Variants in TMEM87A observed in about 807,000 individuals in gnomAD.
TMEM87A encodes the protein transmembrane protein 87A, also known as Golgi-pH regulating cation channel.
Under a neutral mutation model 90.0 loss-of-function variants are expected in TMEM87A, and 50 were observed. That is an observed-to-expected ratio of 0.56 (90% CI 0.44 to 0.70). The LOEUF (loss-of-function observed/expected upper bound fraction) is 0.70, where lower values mean the gene tolerates loss of function less well. Among genes scored for constraint, TMEM87A ranks in the 30% least tolerant of loss-of-function variants. TMEM87A has a pLI of 0.00. For synonymous variants in TMEM87A, 226 were observed against 226.7 expected (o/e 1.00, Z 0.03); for missense variants, 577 against 660.5 (o/e 0.87, Z 1.39).
intron 6 of TMEM87A, chr15:42,258,576 G>T: frequency 2.4e-6 from 1 of 416,372 alleles, no homozygotes; most frequent in Non-Finnish European, 3.3e-6. Flanking sequence ...ACAGGTGCCT[G>T]CCACCATGAG....
chr15:42,261,093 C>A, intron 5 of TMEM87A, 91 bp from the exon 6 acceptor site: 1 of 1,538,484 alleles, frequency 6.5e-7, no homozygotes. Context: ...AGCCTGCTCC[C>A]CAGGTGCAGC....
chr15:42,239,504 C>T (rs1427540613), intron 8 of TMEM87A, among the ~76,000 whole-genome samples, 166 bp downstream of exon 8: 1 of 152,134 alleles, frequency 6.6e-6, no homozygotes, highest in Non-Finnish European at 1.5e-5. Flanking sequence ...GGTATACTGA[C>T]TCTCTCAAAG....
chr15:42,247,713 G>A (rs2051004200), intron 6 of TMEM87A, among the ~76,000 whole-genome samples: 1 of 152,138 alleles, frequency 6.6e-6, no homozygotes, highest in African/African-American at 2.4e-5. Flanking sequence ...TTTGAAGTCA[G>A]GTAGCGTGAT....
intron 6 of TMEM87A, among the ~76,000 whole-genome samples, chr15:42,260,149 T>A (rs11070368): frequency 6.6e-6 from 1 of 152,132 alleles, no homozygotes; most frequent in African/African-American, 2.4e-5. Flanking sequence ...GAAGTGAGAC[T>A]ATTACTTGAG....
chr15:42,244,123 A>T lies in TMEM87A; in HGVS notation c.549T>A (p.Ile183=). ...ATGAAATGCCAATATGTACAATAAAAATGTATGGTGCATCTTGCCAAGTTT... is the reference window on the plus strand; with the variant it reads ...ATGAAATGCCAATATGTACAATAAATATGTATGGTGCATCTTGCCAAGTTT... ...PLQTWQDAPY[I]FIVHIGISSS... is the part of the protein sequence containing the mutation. The change falls in exon 7 of 20, where the codon ATT becomes ATA. Residue 183 remains isoleucine (I), a synonymous_variant. Coordinates refer to ENST00000389834, the MANE Select transcript of TMEM87A (RefSeq NM_015497.5). 1 of 1,579,260 alleles carries T rather than the reference A, an allele frequency of 6.3e-7. No individual in the cohort carries two copies. Among genetic ancestry groups the T allele is most frequent in the South Asian group, 1.2e-5 (1 of 83,124 alleles).
At chr15:42,271,346 C>T (rs774985019) in intron 2 of TMEM87A, among the ~76,000 whole-genome samples, 8 of 152,166 alleles carry the variant, frequency 5.3e-5, no homozygotes, top group Non-Finnish European at 7.4e-5. Context: ...TTGCAGTAAA[C>T]ATTTAACAAG....
intron 10 of TMEM87A, 28 bp downstream of exon 10, chr15:42,236,292 C>T (rs1249474139): frequency 3.2e-6 from 5 of 1,572,970 alleles, no homozygotes; most frequent in Non-Finnish European, 4.4e-6. Flanking sequence ...TTTTAATTTG[C>T]TCTTCCATAC....
At chr15:42,254,235 C>A (rs1225101366) in intron 6 of TMEM87A, among the ~76,000 whole-genome samples, 1 of 152,086 alleles carries the variant, frequency 6.6e-6, no homozygotes, top group African/African-American at 2.4e-5. Context: ...AGACAGACAG[C>A]CTACAAGAGT....
intron 4 of TMEM87A, among the ~76,000 whole-genome samples, chr15:42,263,487 G>A (rs917358811): frequency 1.3e-5 from 2 of 152,198 alleles, no homozygotes; most frequent in Non-Finnish European, 2.9e-5. Flanking sequence ...GCTCACACCT[G>A]TAATCCCAGC....
At chr15:42,249,096 T>C (rs1171705093) in intron 6 of TMEM87A, among the ~76,000 whole-genome samples, 1 of 152,238 alleles carries the variant, frequency 6.6e-6, no homozygotes, top group African/African-American at 2.4e-5. Flanking sequence ...TATTCTCTGA[T>C]GGTAGTTTGT....
chr15:42,211,783 G>A (rs1488483971), intron 19 of TMEM87A, 34 bp from the exon 20 acceptor site: 2 of 1,591,576 alleles, frequency 1.3e-6, no homozygotes, highest in African/African-American at 1.3e-5. Flanking sequence ...AGTATATTAG[G>A]TTAAAATGAT....
intron 6 of TMEM87A, among the ~76,000 whole-genome samples, chr15:42,253,731 T>C (rs895429140): frequency 2.0e-5 from 3 of 152,218 alleles, no homozygotes; most frequent in Non-Finnish European, 4.4e-5. Context: ...CTTCTTTCTT[T>C]GTTGAACTTT....
intron 6 of TMEM87A, among the ~76,000 whole-genome samples, chr15:42,248,016 G>C (rs1481667928): frequency 3.3e-5 from 5 of 152,084 alleles, no homozygotes; most frequent in Non-Finnish European, 4.4e-5. Context: ...CTTTTAAATT[G>C]GATTCCTAGG....
chr15:42,266,010 T>C (rs2051395880), intron 3 of TMEM87A, among the ~76,000 whole-genome samples: 1 of 152,186 alleles, frequency 6.6e-6, no homozygotes, highest in Non-Finnish European at 1.5e-5. Context: ...TTGTTAAATA[T>C]CAGATGGTTG....
chr15:42,224,519 T>C (rs1038944356), intron 15 of TMEM87A: 6 of 152,224 alleles, frequency 3.9e-5, no homozygotes, highest in Admixed American at 3.3e-4. Flanking sequence ...TTCCCCAGAC[T>C]CTACCTGCTA....
chr15:42,264,279 AG>A, intron 3 of TMEM87A, 76 bp from the exon 4 acceptor site: 1 of 947,538 alleles, frequency 1.1e-6, no homozygotes, highest in Non-Finnish European at 1.7e-6. Flanking sequence ...CACAACAAAC[AG>A]TTCACCTGCA....
At chr15:42,258,733 G>T in intron 6 of TMEM87A, 1 of 1,391,368 alleles carries the variant, frequency 7.2e-7, no homozygotes. Context: ...AGTCCTAATG[G>T]CTATCTTTTG....
chr15:42,271,113 T>C (rs974721468), intron 2 of TMEM87A, among the ~76,000 whole-genome samples: 32 of 152,186 alleles, frequency 2.1e-4, no homozygotes, highest in Admixed American at 1.3e-4. Flanking sequence ...TTAAAGCCGG[T>C]TTCAGAACTA....
chr15:42,272,878 C>T, intron 1 of TMEM87A: 1 of 465,156 alleles, frequency 2.1e-6, no homozygotes, highest in East Asian at 6.6e-5. Flanking sequence ...GAAATGAAGA[C>T]TCCTATTTAC....
Sources: gnomAD v4.1 joint callset for allele counts (sites outside exome capture counted in the v4.1 genomes callset) on GRCh38, gnomAD v4.1.1 for gene constraint, MANE v1.5 for transcripts, NCBI Gene and HGNC (gene_info 2026-07-23, HGNC 2026-07-21) for gene names.